The following TENT5D variants were observed in gnomAD, a reference collection of about 807,000 sequenced individuals.
TENT5D encodes the protein cancer/testis antigen 112.
For synonymous variants in TENT5D, 103 were observed against 100.6 expected (o/e 1.02, Z -0.15); for missense variants, 191 against 287.0 (o/e 0.67, Z 2.42).
intron 3 of TENT5D, among the ~76,000 whole-genome samples, chrX:80,388,696 C>A (rs922350305): frequency 8.9e-6 from 1 of 111,885 alleles, no homozygotes; most frequent in African/African-American, 3.2e-5. Context: ...GCTAGTTATA[C>A]TGCCTGCGGT....
At chrX:80,392,101 G>A (rs1321633239) in intron 3 of TENT5D, among the ~76,000 whole-genome samples, 4 of 111,897 alleles carry the variant, frequency 3.6e-5, no homozygotes, top group African/African-American at 9.7e-5. Context: ...TAAAATGTAG[G>A]TAATAATATC....
At position 80,346,281 on chromosome X, in the gene TENT5D, A is replaced by T. The variant is rs1170197126; in HGVS notation, c.-142+3717A>T. On this transcript the variant is annotated intron_variant, in intron 3 of 4. Coordinates refer to the TENT5D transcript ENST00000538312. ...TGTTTGTCCATACACCTGCTGAAAG[A>T]TATTTCGGTTATTCCCAAATATCTT... 1.3e-4 allele frequency among the ~76,000 whole-genome samples: 15 copies of T among 112,380 alleles called. 1 individual carries two copies. Among genetic ancestry groups the T allele is most frequent in the Admixed American group, 1.3e-3 (14 of 10,582 alleles).
At chrX:80,349,578 G>C (rs1318981757) in intron 3 of TENT5D, among the ~76,000 whole-genome samples, 1 of 109,126 alleles carries the variant, frequency 9.2e-6, no homozygotes, top group East Asian at 2.9e-4. Flanking sequence ...GGTCTATTTT[G>C]TTAATCTTTT....
chrX:80,372,628 T>C (rs1480636447), intron 3 of TENT5D, among the ~76,000 whole-genome samples: 1 of 111,146 alleles, frequency 9.0e-6, no homozygotes, highest in Non-Finnish European at 1.9e-5. Flanking sequence ...GGCTCATTCC[T>C]GTAATCCCAG....
chrX:80,435,395 C>A (rs1458387196), intron 1 of TENT5D, among the ~76,000 whole-genome samples: 1 of 111,874 alleles, frequency 8.9e-6, no homozygotes, highest in Non-Finnish European at 1.9e-5. Context: ...TACTTTTTAC[C>A]TAGATAAAAA....
At chrX:80,436,155 T>C (rs972610549) in intron 1 of TENT5D, among the ~76,000 whole-genome samples, 1 of 111,189 alleles carries the variant, frequency 9.0e-6, no homozygotes, top group Non-Finnish European at 1.9e-5. Flanking sequence ...ATTTGGTGGC[T>C]ATTCTAAGAA....
intron 3 of TENT5D, among the ~76,000 whole-genome samples, chrX:80,412,238 G>T (rs1384002459): frequency 1.8e-5 from 2 of 112,497 alleles, no homozygotes; most frequent in East Asian, 5.6e-4. Flanking sequence ...CAAGTCACTT[G>T]GCTGCACACA....
chrX:80,428,002 T>A (rs1281098010), intron 1 of TENT5D, among the ~76,000 whole-genome samples: 1 of 112,613 alleles, frequency 8.9e-6, no homozygotes, highest in Non-Finnish European at 1.9e-5. Flanking sequence ...TTTAAAAATA[T>A]ACCTATAACT....
chrX:80,415,204 G>A (rs1366231486), intron 3 of TENT5D, among the ~76,000 whole-genome samples: 4 of 111,531 alleles, frequency 3.6e-5, no homozygotes, highest in Non-Finnish European at 7.5e-5. Flanking sequence ...GAGCCTATAG[G>A]GTTTTCTAGG....
intron 3 of TENT5D, among the ~76,000 whole-genome samples, chrX:80,407,498 CAAA>C (rs1305416071): frequency 9.2e-6 from 1 of 108,316 alleles, no homozygotes; most frequent in Non-Finnish European, 1.9e-5. Context: ...TCAAAAGAGA[CAAA>C]GAAGGCCATT....
intron 2 of TENT5D, among the ~76,000 whole-genome samples, chrX:80,339,406 GT>G (rs966715283): frequency 9.0e-6 from 1 of 111,350 alleles, no homozygotes; most frequent in South Asian, 3.8e-4. Flanking sequence ...TAGAAAAACT[GT>G]TTTTTCCCCC....
intron 3 of TENT5D, among the ~76,000 whole-genome samples, chrX:80,407,277 A>C (rs1319026210): frequency 9.0e-6 from 1 of 110,963 alleles, no homozygotes; most frequent in Non-Finnish European, 1.9e-5. Flanking sequence ...AAATGGACTA[A>C]ATGCTCCAAT....
chrX:80,369,729 A>G (rs1930584552), intron 3 of TENT5D, among the ~76,000 whole-genome samples: 1 of 111,287 alleles, frequency 9.0e-6, no homozygotes, highest in Non-Finnish European at 1.9e-5. Context: ...TGGAAAATAC[A>G]GTATTAGTGA....
chrX:80,441,106 G>T (rs1932274675), intron 2 of TENT5D, among the ~76,000 whole-genome samples: 1 of 111,112 alleles, frequency 9.0e-6, no homozygotes. Flanking sequence ...CATCTTTAAG[G>T]ATCGATTTGG....
At chrX:80,401,820 G>T (rs1428841836) in intron 3 of TENT5D, among the ~76,000 whole-genome samples, 1 of 111,887 alleles carries the variant, frequency 8.9e-6, no homozygotes, top group African/African-American at 3.2e-5. Flanking sequence ...TTTTGTTGAG[G>T]ATTTTTAAAC....
intron 3 of TENT5D, among the ~76,000 whole-genome samples, chrX:80,359,913 G>A (rs902937943): frequency 2.7e-5 from 3 of 111,696 alleles, no homozygotes; most frequent in Non-Finnish European, 5.7e-5. Flanking sequence ...TGTATTTCTT[G>A]TTTATTTTAT....
intron 1 of TENT5D, among the ~76,000 whole-genome samples, chrX:80,425,779 A>T (rs1931977420): frequency 1.8e-5 from 2 of 112,089 alleles, no homozygotes; most frequent in Non-Finnish European, 3.8e-5. Context: ...CTGTAATTCC[A>T]GCACTTTGGG....
At chrX:80,389,596 C>T (rs1355845727) in intron 3 of TENT5D, among the ~76,000 whole-genome samples, 1 of 111,784 alleles carries the variant, frequency 8.9e-6, no homozygotes, top group African/African-American at 3.3e-5. Context: ...GTAGAAGTGG[C>T]CAAAAAGATA....
Position 80,443,359 on chromosome X carries a change from G to T in TENT5D, c.820G>T (p.Glu274Ter), listed in dbSNP as rs1932325229. ...ATTCTTTATTGATTTTCCTCATATA[G>T]AAGAACAGCAAAAGAAAATTGAATC... Residue 274 changes from glutamate (E) to a stop codon, truncating the protein, a stop_gained, in exon 3 of 3, where the codon GAA (glutamate) becomes TAA (stop). Coordinates refer to ENST00000308293, the Ensembl canonical transcript of TENT5D. LOFTEE classifies it low-confidence loss of function (END_TRUNC). The T allele has an allele frequency of 8.3e-7, 1 of 1,209,240 alleles. No individual in the cohort carries two copies. Among genetic ancestry groups the T allele is most frequent in the African/African-American group, 1.7e-5 (1 of 57,170 alleles).
Sources: gnomAD v4.1 joint callset for allele counts (sites outside exome capture counted in the v4.1 genomes callset) on GRCh38, gnomAD v4.1.1 for gene constraint, MANE v1.5 for transcripts, NCBI Gene and HGNC (gene_info 2026-07-23, HGNC 2026-07-21) for gene names.